Variants in EXOC6B observed in about 807,000 individuals in gnomAD.
EXOC6B encodes exocyst complex component 6B, also known as SEC15 homolog B.
Under a neutral mutation model 113.5 loss-of-function variants are expected in EXOC6B, and 54 were observed. The observed-to-expected ratio is 0.48, with a 90% CI of 0.38 to 0.60. EXOC6B has a LOEUF of 0.60. Among genes scored for constraint, EXOC6B ranks in the 20% least tolerant of loss-of-function variants. The pLI is 0.00. For missense variants in EXOC6B, 797 were observed against 977.5 expected, an observed-to-expected ratio of 0.82 and a Z score of 2.46; for synonymous variants, 357 against 339.0, an observed-to-expected ratio of 1.05 and a Z score of -0.58.
At chr2:72,338,773 C>T (rs1187365113) in intron 19 of EXOC6B, among the ~76,000 whole-genome samples, 1 of 151,896 alleles carries the variant, frequency 6.6e-6, no homozygotes, top group African/African-American at 2.4e-5. Flanking sequence ...ATAGTAAGCA[C>T]TCACTTCATA....
intron 18 of EXOC6B, among the ~76,000 whole-genome samples, chr2:72,438,748 T>C (rs901229481): frequency 6.6e-6 from 1 of 152,206 alleles, no homozygotes; most frequent in South Asian, 2.1e-4. Flanking sequence ...AAATTTAACA[T>C]CTTAAACTTC....
chr2:72,543,694 T>C (rs1391807514), intron 8 of EXOC6B, among the ~76,000 whole-genome samples: 1 of 152,168 alleles, frequency 6.6e-6, no homozygotes, highest in East Asian at 1.9e-4. Context: ...TGCAGGAAAG[T>C]TATCACTGTA....
At chr2:72,477,223 T>C (rs1013355148) in intron 17 of EXOC6B, among the ~76,000 whole-genome samples, 2 of 152,242 alleles carry the variant, frequency 1.3e-5, no homozygotes, top group Admixed American at 6.5e-5. Flanking sequence ...GAATTAAACA[T>C]ACCAAGCTTA....
intron 1 of EXOC6B, among the ~76,000 whole-genome samples, chr2:72,751,099 C>A (rs1443865996): frequency 6.6e-6 from 1 of 151,970 alleles, no homozygotes; most frequent in East Asian, 1.9e-4. Context: ...CCCAAAATAT[C>A]TGAGACAGGT....
At chr2:72,618,028 G>A (rs150275088) in intron 6 of EXOC6B, among the ~76,000 whole-genome samples, 55 of 152,210 alleles carry the variant, frequency 3.6e-4, no homozygotes, top group Non-Finnish European at 6.6e-4. Flanking sequence ...GACTGATAAT[G>A]TTGAAATTTA....
At chr2:72,401,498 T>TAC (rs1442419149) in intron 18 of EXOC6B, among the ~76,000 whole-genome samples, 2 of 56,360 alleles carry the variant, frequency 3.5e-5, no homozygotes, top group African/African-American at 6.7e-4. Context: ...TATATACATA[T>TAC]ATATATATAT....
intron 1 of EXOC6B, among the ~76,000 whole-genome samples, chr2:72,776,982 T>G (rs1261636194): frequency 6.6e-6 from 1 of 152,130 alleles, no homozygotes; most frequent in African/African-American, 2.4e-5. Flanking sequence ...GGATCCTGTC[T>G]GTAATGCTAG....
intron 6 of EXOC6B, among the ~76,000 whole-genome samples, chr2:72,679,075 T>C (rs544645513): frequency 4.0e-5 from 6 of 148,544 alleles, no homozygotes; most frequent in African/African-American, 1.5e-4. Context: ...TATAATCTCT[T>C]TTTTTTTTTT....
intron 18 of EXOC6B, among the ~76,000 whole-genome samples, chr2:72,455,346 C>T (rs1291356378): frequency 1.3e-5 from 2 of 152,182 alleles, no homozygotes; most frequent in Admixed American, 6.5e-5. Flanking sequence ...AGAGTTTCTA[C>T]TTTATGGGGA....
At chr2:72,360,806 G>A (rs1264866649) in intron 19 of EXOC6B, among the ~76,000 whole-genome samples, 1 of 151,656 alleles carries the variant, frequency 6.6e-6, no homozygotes, top group Non-Finnish European at 1.5e-5. Context: ...CTTGATAAAT[G>A]CAAGGATAGT....
At chr2:72,296,690 G>A (rs1290381830) in intron 20 of EXOC6B, among the ~76,000 whole-genome samples, 1 of 152,184 alleles carries the variant, frequency 6.6e-6, no homozygotes. Context: ...GACTGTCAAG[G>A]AGGAGAGAAG....
intron 11 of EXOC6B, among the ~76,000 whole-genome samples, chr2:72,512,582 CT>C (rs139701703): frequency 0.013 from 1,955 of 151,168 alleles, 38 homozygotes; most frequent in African/African-American, 0.043. Context: ...ATGTTATGAA[CT>C]TTTTTTTTCA....
intron 20 of EXOC6B, among the ~76,000 whole-genome samples, chr2:72,187,688 T>C (rs2104253221): frequency 6.6e-6 from 1 of 152,204 alleles, no homozygotes; most frequent in Non-Finnish European, 1.5e-5. Context: ...CCAGGGCTTT[T>C]ATGGGCCTCA....
intron 8 of EXOC6B, among the ~76,000 whole-genome samples, chr2:72,518,859 T>C (rs1233180798): frequency 6.6e-6 from 1 of 152,068 alleles, no homozygotes; most frequent in Non-Finnish European, 1.5e-5. Flanking sequence ...AAAATTAAAA[T>C]TGAAAAGATC....
At chr2:72,306,012 G>C (rs1686832739) in intron 20 of EXOC6B, among the ~76,000 whole-genome samples, 1 of 152,222 alleles carries the variant, frequency 6.6e-6, no homozygotes, top group South Asian at 2.1e-4. Flanking sequence ...CATGGCCCCA[G>C]AGTCCTGAGA....
chr2:72,818,710 T>A (rs1686416839), intron 1 of EXOC6B, among the ~76,000 whole-genome samples: 1 of 152,208 alleles, frequency 6.6e-6, no homozygotes, highest in Non-Finnish European at 1.5e-5. Context: ...ACATTTAGAA[T>A]AAAATCAAAG....
rs1558631438 is a variant in EXOC6B at position 72,401,646 on chromosome 2, CATATATATATATATATATATGTATAT to C, written c.1981-21802_1981-21777del. Among the ~76,000 whole-genome samples, 22 of 20,692 alleles carry C rather than the reference CATATATATATATATATATATGTATAT, an allele frequency of 1.1e-3. 1 individual carries two copies. Among genetic ancestry groups the C allele is most frequent in the East Asian group, 2.5e-3 (3 of 1,210 alleles). The allele number at this position is 20,692 out of a possible 152,430, so 13.6% of individuals were successfully genotyped here. ...ACATATATATATATATACATATATA[CATATATATATATATATATATGTATAT>C]ATATATATATATATGAAAAAGAATG... is the stretch of plus-strand genomic sequence containing the variant. On this transcript the variant is annotated intron_variant, in intron 18 of 21. Coordinates refer to ENST00000272427, the MANE Select transcript of EXOC6B (RefSeq NM_015189.3).
chr2:72,704,400 A>C (rs1436581227), intron 6 of EXOC6B, among the ~76,000 whole-genome samples: 1 of 149,404 alleles, frequency 6.7e-6, no homozygotes, highest in African/African-American at 2.5e-5. Flanking sequence ...TGACACCCTA[A>C]CATCACAATT....
intron 5 of EXOC6B, among the ~76,000 whole-genome samples, chr2:72,727,340 T>G (rs1011697367): frequency 1.3e-5 from 2 of 152,028 alleles, no homozygotes. Flanking sequence ...AGATGAGAGA[T>G]TTTTAAAGAA....
Sources: gnomAD v4.1 joint callset for allele counts (sites outside exome capture counted in the v4.1 genomes callset) on GRCh38, gnomAD v4.1.1 for gene constraint, MANE v1.5 for transcripts, NCBI Gene and HGNC (gene_info 2026-07-23, HGNC 2026-07-21) for gene names.